The following CHD9 variants were observed in gnomAD, a reference collection of about 807,000 sequenced individuals.
CHD9 encodes the protein chromodomain helicase DNA binding protein 9.
In CHD9, 77 loss-of-function variants were observed where a neutral mutation model predicts 316.1. That is an observed-to-expected ratio of 0.24 (90% CI 0.20 to 0.29). The LOEUF (loss-of-function observed/expected upper bound fraction) is 0.29, where lower values mean the gene tolerates loss of function less well. Ranked by LOEUF, CHD9 falls within the 10% of genes least tolerant of loss-of-function variation. The pLI is 1.00. For synonymous variants in CHD9, 1,129 were observed against 1,158.3 expected (o/e 0.97, Z 0.51); for missense variants, 2,763 against 3,438.1 (o/e 0.80, Z 4.91).
At chr16:53,267,859 A>C (rs1038043729) in intron 21 of CHD9, 68 bp from the exon 22 acceptor site, 20 of 1,383,584 alleles carry the variant, frequency 1.4e-5, no homozygotes, top group Non-Finnish European at 1.9e-5. Flanking sequence ...CATTCCTTTT[A>C]TCTATGAGTT....
chr16:53,159,971 A>T (rs2041796692), intron 2 of CHD9, among the ~76,000 whole-genome samples: 1 of 152,146 alleles, frequency 6.6e-6, no homozygotes, highest in African/African-American at 2.4e-5. Context: ...ATGTCTAGGG[A>T]GATGTAGAAA....
rs1166599794 is a variant in CHD9, at chr16:53,209,804, C to G, written c.1775C>G (p.Thr592Arg). Residue 592 changes from threonine (T) to arginine (R), a missense_variant, in exon 3 of 39, where the codon ACA (threonine) becomes AGA (arginine). Thr to Arg is a moderately conservative substitution (Grantham distance 71). Coordinates refer to ENST00000447540, the MANE Select transcript of CHD9 (RefSeq NM_001308319.2). ...TKTCSKLKEK[T>R]KIGKLIITLG... ...ACATGTTCTAAGTTAAAAGAGAAGA[C>G]AAAAATTGGGTAAGTTGGTTAAGAA... is the stretch of plus-strand genomic sequence containing the variant. 1 of 1,562,864 alleles carries G rather than the reference C, an allele frequency of 6.4e-7. No homozygotes were observed. The highest frequency in any genetic ancestry group is 2.3e-5 in the East Asian group (1 of 43,568).
At chr16:53,180,222 G>A (rs1206216735) in intron 2 of CHD9, among the ~76,000 whole-genome samples, 2 of 151,934 alleles carry the variant, frequency 1.3e-5, no homozygotes, top group African/African-American at 4.8e-5. Flanking sequence ...AGCCAGGCTG[G>A]CCTCGAACTG....
chr16:53,243,914 T>TA (rs770031785), intron 13 of CHD9, among the ~76,000 whole-genome samples: 9 of 152,266 alleles, frequency 5.9e-5, no homozygotes, highest in African/African-American at 7.2e-5. Context: ...TGTAAAAACT[T>TA]AAAGTTTTCC....
intron 1 of CHD9, among the ~76,000 whole-genome samples, chr16:53,151,073 T>C (rs2041063530): frequency 6.6e-6 from 1 of 152,142 alleles, no homozygotes; most frequent in Non-Finnish European, 1.5e-5. Context: ...TTTCTCTCTC[T>C]CCTTCTTCTG....
At chr16:53,108,243 T>A (rs2037526408) in intron 1 of CHD9, among the ~76,000 whole-genome samples, 1 of 152,230 alleles carries the variant, frequency 6.6e-6, no homozygotes, top group South Asian at 2.1e-4. Flanking sequence ...GGCTCATGCC[T>A]GTAGTCCCAG....
Position 53,136,593 on chromosome 16 carries a change from G to A in CHD9, c.-164-19333G>A, listed in dbSNP as rs1031201591. Among the ~76,000 whole-genome samples the A allele has an allele frequency of 9.7e-4, 147 of 151,016 alleles. 1 individual carries two copies. The highest frequency in any genetic ancestry group is 3.4e-3 in the African/African-American group (141 of 41,126). ...AAAAATCTAGGAATTTAAGATTACAGACTTGGTGTAGTCTGTTTTACAGTT... is the reference window on the plus strand; with the variant it reads ...AAAAATCTAGGAATTTAAGATTACAAACTTGGTGTAGTCTGTTTTACAGTT... On this transcript the variant is annotated intron_variant, in intron 1 of 38. Transcript: ENST00000447540.
chr16:53,170,048 T>TTG (rs201154357), intron 2 of CHD9, among the ~76,000 whole-genome samples: 2 of 135,470 alleles, frequency 1.5e-5, no homozygotes, highest in Non-Finnish European at 3.0e-5. Flanking sequence ...AGTTTTTTTT[T>TTG]GTTTTTTTTT....
In CHD9 at chr16:53,091,661, G is replaced by C. The variant is rs556187778; in HGVS notation, c.-165+36584G>C. Among the ~76,000 whole-genome samples, 195 of 152,324 alleles carry C rather than the reference G, an allele frequency of 1.3e-3. 1 individual carries two copies. The highest frequency in any genetic ancestry group is 2.1e-3 in the Non-Finnish European group (145 of 68,032). ...ATTTGTCTTATAACTCCCATGCCTA[G>C]TGTGGTCCTGGCACTTACACAGCAC... is the stretch of plus-strand genomic sequence containing the variant. On this transcript the variant is annotated intron_variant, in intron 1 of 38. Coordinates refer to ENST00000447540, the MANE Select transcript of CHD9 (RefSeq NM_001308319.2).
chr16:53,209,912 A>G (rs1201736741), intron 3 of CHD9, 99 bp downstream of exon 3: 1 of 839,724 alleles, frequency 1.2e-6, no homozygotes, highest in Non-Finnish European at 1.8e-6. Flanking sequence ...TTACTCCCAT[A>G]TTTGAGTTTT....
At chr16:53,114,877 G>A (rs1326932120) in intron 1 of CHD9, among the ~76,000 whole-genome samples, 3 of 152,226 alleles carry the variant, frequency 2.0e-5, no homozygotes, top group Admixed American at 2.0e-4. Flanking sequence ...GTGAGCCACC[G>A]TGCCAGGCCA....
intron 2 of CHD9, chr16:53,208,305 T>A: frequency 7.8e-7 from 1 of 1,279,390 alleles, no homozygotes; most frequent in Non-Finnish European, 1.0e-6. Context: ...CAAGCCTTTG[T>A]CTGACGCCAA....
intron 3 of CHD9, among the ~76,000 whole-genome samples, chr16:53,210,538 G>T (rs548483398): frequency 2.0e-5 from 3 of 152,092 alleles, no homozygotes; most frequent in Non-Finnish European, 1.5e-5. Context: ...TGCTTTATAG[G>T]TGTATTTGCT....
At chr16:53,066,803 C>T (rs941848531) in intron 1 of CHD9, among the ~76,000 whole-genome samples, 2 of 152,050 alleles carry the variant, frequency 1.3e-5, no homozygotes, top group African/African-American at 2.4e-5. Flanking sequence ...TGCATGTTAG[C>T]GGGCCAGTTT....
chr16:53,250,541 A>C (rs536621432), intron 17 of CHD9: 1 of 152,500 alleles, frequency 6.6e-6, no homozygotes, highest in African/African-American at 2.4e-5. Context: ...TATTTGTAAT[A>C]AAATTAAAAT....
chr16:53,247,959 T>C (rs2049777207), intron 16 of CHD9: 1 of 153,112 alleles, frequency 6.5e-6, no homozygotes, highest in South Asian at 2.1e-4. Flanking sequence ...GCTTTAATTT[T>C]TTCTGATTTG....
At chr16:53,094,374 C>T (rs2152560126) in intron 1 of CHD9, among the ~76,000 whole-genome samples, 1 of 152,242 alleles carries the variant, frequency 6.6e-6, no homozygotes. Flanking sequence ...GAGAGGACAC[C>T]AAGGGCCAGC....
intron 1 of CHD9, among the ~76,000 whole-genome samples, chr16:53,152,690 TAGC>T (rs1413241130): frequency 2.0e-5 from 3 of 152,188 alleles, no homozygotes; most frequent in Non-Finnish European, 4.4e-5. Context: ...GCAAGGTAAA[TAGC>T]AGGCTGTTAG....
intron 1 of CHD9, among the ~76,000 whole-genome samples, chr16:53,060,178 C>G (rs2032693132): frequency 7.1e-6 from 1 of 141,448 alleles, no homozygotes. Context: ...ACCCCCATCT[C>G]TACAAACAAA....
Sources: gnomAD v4.1 joint callset for allele counts (sites outside exome capture counted in the v4.1 genomes callset) on GRCh38, gnomAD v4.1.1 for gene constraint, MANE v1.5 for transcripts, NCBI Gene and HGNC (gene_info 2026-07-23, HGNC 2026-07-21) for gene names.